TRPV4: variants seen among roughly 807,000 people sequenced by gnomAD.
The protein encoded by TRPV4 is transient receptor potential cation channel subfamily V member 4.
Under a neutral mutation model 84.1 loss-of-function variants are expected in TRPV4, and 58 were observed. That is an observed-to-expected ratio of 0.69 (90% CI 0.56 to 0.86). The LOEUF is 0.86. TRPV4 is among the 40% of genes least tolerant of loss of function. TRPV4 has a pLI of 0.00. For synonymous variants in TRPV4, 489 were observed against 500.9 expected, an observed-to-expected ratio of 0.98 and a Z score of 0.32; for missense variants, 879 against 1,181.1, an observed-to-expected ratio of 0.74 and a Z score of 3.75.
At chr12:109,823,063 C>T (rs766916234) in intron 1 of TRPV4, among the ~76,000 whole-genome samples, 1 of 152,196 alleles carries the variant, frequency 6.6e-6, no homozygotes, top group Non-Finnish European at 1.5e-5. Context: ...TGGGAACAGC[C>T]GGCTGGGAGC....
At chr12:109,797,801 T>C (rs1890500665) in intron 6 of TRPV4, among the ~76,000 whole-genome samples, 1 of 152,196 alleles carries the variant, frequency 6.6e-6, no homozygotes, top group South Asian at 2.1e-4. Flanking sequence ...ATTACAGACA[T>C]GTAAGTGACA....
chr12:109,824,756 C>CAACAAAACAA (rs112462693), intron 1 of TRPV4, among the ~76,000 whole-genome samples: 42,394 of 119,950 alleles, frequency 0.35, 6,606 homozygotes, highest in East Asian at 0.75. Flanking sequence ...GACTCCATCT[C>CAACAAAACAA]AACAAAACAA....
chr12:109,822,125 A>G (rs1178887059), intron 1 of TRPV4, among the ~76,000 whole-genome samples: 1 of 150,566 alleles, frequency 6.6e-6, no homozygotes, highest in Non-Finnish European at 1.5e-5. Context: ...GTAGAGGGGA[A>G]AGTGCAGGGT....
At chr12:109,806,102 G>A (rs574023990) in intron 3 of TRPV4, among the ~76,000 whole-genome samples, 13 of 152,336 alleles carry the variant, frequency 8.5e-5, no homozygotes, top group African/African-American at 2.9e-4. Flanking sequence ...GAGAAGCCCC[G>A]TCCTCCCACA....
intron 4 of TRPV4, among the ~76,000 whole-genome samples, chr12:109,802,459 G>A (rs1166346760): frequency 5.3e-5 from 8 of 151,614 alleles, no homozygotes; most frequent in South Asian, 2.1e-4. Context: ...GCACCACCAC[G>A]CCTGGCTAAT....
intron 4 of TRPV4, among the ~76,000 whole-genome samples, chr12:109,801,311 T>C (rs1293181970): frequency 6.6e-6 from 1 of 152,232 alleles, no homozygotes; most frequent in Non-Finnish European, 1.5e-5. Context: ...CCTTGAATTG[T>C]AGTTCCCATA....
rs1351591842 is a variant in TRPV4, at chr12:109,814,210, G to A, written c.386+201C>T. 1.3e-5 allele frequency among the ~76,000 whole-genome samples: 2 copies of A among 151,372 alleles called. No homozygotes were observed. Among genetic ancestry groups the A allele is most frequent in the Admixed American group, 1.3e-4 (2 of 15,218 alleles). ...GTTGGATGGATGGACGAATAGATGG[G>A]TGGTTGGATGGATGGATGGACGGAT... On this transcript the variant is annotated intron_variant, in intron 2 of 15. Transcript: ENST00000261740. The surrounding 1 kb of genome is among the most constrained non-coding windows in gnomAD (Gnocchi z 5.4).
chr12:109,812,922 A>C (rs573974194), intron 2 of TRPV4, among the ~76,000 whole-genome samples: 1 of 152,260 alleles, frequency 6.6e-6, no homozygotes, highest in African/African-American at 2.4e-5. Flanking sequence ...TATAGATTGG[A>C]TAGGTGGACA....
rs187864727 is a variant in TRPV4 at position 109,803,054 on chromosome 12, C to A, written c.649G>T (p.Ala217Ser). ...TCCCTCATGTTGCCGGTGCGCTCCG[C>A]GATGTCCAGCAGCACAGGGATGGTG... The part of the protein sequence containing the change: ...NDTIPVLLDI[A>S]ERTGNMREFI... Residue 217 changes from alanine to serine, a missense_variant, in exon 4 of 16, where the codon GCG becomes TCG. By Grantham distance (99) the Ala-to-Ser change is moderately conservative. Coordinates refer to ENST00000261740, the MANE Select transcript of TRPV4 (RefSeq NM_021625.5). 4,268 of 1,614,162 alleles carry A rather than the reference C, an allele frequency of 2.6e-3. 178 individuals are homozygous for A. In the Admixed American group the frequency reaches 0.067, roughly 25 times the overall value.
intron 3 of TRPV4, among the ~76,000 whole-genome samples, chr12:109,803,565 C>T (rs1890945044): frequency 6.6e-6 from 1 of 152,116 alleles, no homozygotes; most frequent in Non-Finnish European, 1.5e-5. Flanking sequence ...ATCCTCCCAC[C>T]TCAGCCTCCC....
At chr12:109,794,112 G>T in intron 8 of TRPV4, 90 bp from the exon 9 acceptor site, 1 of 1,216,496 alleles carries the variant, frequency 8.2e-7, no homozygotes, top group Non-Finnish European at 1.2e-6. Flanking sequence ...CGAAACATCG[G>T]CATCCCATGG....
rs894247819 is a variant in TRPV4 at position 109,815,133 on chromosome 12, T to C, written c.-31-306A>G. Among the ~76,000 whole-genome samples the C allele has an allele frequency of 3.9e-5, 6 of 152,234 alleles. No individual in the cohort carries two copies. The East Asian group carries it at 5.8e-4, about 15-fold the overall frequency. ...GACCCCATACTTGGATCCCAGACCC[T>C]ACTGCTGACCAAGAAAGCCAGCTTT... On this transcript the variant is annotated intron_variant, in intron 1 of 15. Transcript: ENST00000261740. This position sits in a 1 kb window ranked among gnomAD's most constrained non-coding sequence, Gnocchi z 4.1.
intron 2 of TRPV4, among the ~76,000 whole-genome samples, chr12:109,809,155 C>T (rs1182357829): frequency 1.3e-5 from 2 of 149,420 alleles, no homozygotes; most frequent in African/African-American, 4.9e-5. Context: ...CATCACTCAT[C>T]CATCCATCAC....
At position 109,798,255 on chromosome 12, in the gene TRPV4, G is replaced by A. The variant is rs372987909; in HGVS notation, c.1152+359C>T. 7.9e-5 allele frequency among the ~76,000 whole-genome samples: 12 copies of A among 152,318 alleles called. No individual in the cohort carries two copies. The South Asian group carries it at 1.0e-3, about 13-fold the overall frequency. On this transcript the variant is annotated intron_variant, in intron 6 of 15. Transcript: ENST00000261740. The surrounding 1 kb of genome is among the most constrained non-coding windows in gnomAD (Gnocchi z 5.0). ...CCTTCTCCAGGCCCCATGCTGCGCGGCCCAGAAAAGGGAAGGAACTGGGGC... is the reference window on the plus strand; with the variant it reads ...CCTTCTCCAGGCCCCATGCTGCGCGACCCAGAAAAGGGAAGGAACTGGGGC...
intron 13 of TRPV4, among the ~76,000 whole-genome samples, chr12:109,787,725 T>C (rs1889775864): frequency 6.6e-6 from 1 of 152,186 alleles, no homozygotes; most frequent in African/African-American, 2.4e-5. Context: ...GGCCCTTTTT[T>C]CTCACTGCAC....
At chr12:109,789,163 G>C (rs186790991) in intron 12 of TRPV4, among the ~76,000 whole-genome samples, 1 of 152,132 alleles carries the variant, frequency 6.6e-6, no homozygotes, top group African/African-American at 2.4e-5. Context: ...AGTCCAGGGA[G>C]GGTCTCAGTT....
chr12:109,802,838 GCATCCATCCATC>G (rs111807515), intron 4 of TRPV4, among the ~76,000 whole-genome samples, 141 bp downstream of exon 4: 3 of 151,202 alleles, frequency 2.0e-5, no homozygotes, highest in Admixed American at 6.6e-5. Flanking sequence ...ATGCATCCAT[GCATCCATCCATC>G]CATCCATCCA....
chr12:109,829,595 T>C (rs1403959938), intron 1 of TRPV4, among the ~76,000 whole-genome samples: 1 of 152,190 alleles, frequency 6.6e-6, no homozygotes, highest in Non-Finnish European at 1.5e-5. Context: ...TGCCCTGGAA[T>C]GGGCCTGGGG....
At position 109,796,903 on chromosome 12, in the gene TRPV4, T is replaced by C. The variant is rs1890440356; in HGVS notation, c.1153-199A>G. Among the ~76,000 whole-genome samples the C allele has an allele frequency of 6.6e-6, 1 of 152,200 alleles. No individual in the cohort carries two copies. On this transcript the variant is annotated intron_variant, in intron 6 of 15. Coordinates refer to ENST00000261740, the MANE Select transcript of TRPV4 (RefSeq NM_021625.5). This position sits in a 1 kb window ranked among gnomAD's most constrained non-coding sequence, Gnocchi z 4.2. ...GGAGGCTGGGAAAAACGAAGGGTGT[T>C]CCAGAAGCCACTTAACCAGTCAGCT... is the stretch of plus-strand genomic sequence containing the variant.
Sources: gnomAD v4.1 joint callset for allele counts (sites outside exome capture counted in the v4.1 genomes callset) on GRCh38, gnomAD v4.1.1 for gene constraint, Gnocchi (gnomAD v3.1) non-coding constraint, MANE v1.5 for transcripts, NCBI Gene and HGNC (gene_info 2026-07-23, HGNC 2026-07-21) for gene names.